The following TMC1 variants were observed in gnomAD, a reference collection of about 807,000 sequenced individuals.
TMC1 encodes transmembrane channel-like protein 1.
In TMC1, 84 loss-of-function variants were observed where a neutral mutation model predicts 105.8. The observed-to-expected ratio is 0.79, with a 90% CI of 0.67 to 0.95. The LOEUF is 0.95. TMC1 is among the 40% of genes least tolerant of loss of function. The probability of loss-of-function intolerance (pLI) is 0.00; values close to 1 mark genes in which losing one functional copy is unlikely to be tolerated. For synonymous variants in TMC1, 315 were observed against 311.5 expected (o/e 1.01, Z -0.12); for missense variants, 817 against 914.1 (o/e 0.89, Z 1.37).
intron 8 of TMC1, among the ~76,000 whole-genome samples, chr9:72,721,270 C>T (rs1827020019): frequency 6.6e-6 from 1 of 152,140 alleles, no homozygotes; most frequent in Non-Finnish European, 1.5e-5. Flanking sequence ...TGTAAATTCT[C>T]CTTTACAACC....
At chr9:72,529,103 T>A (rs1288553869) in intron 1 of TMC1, among the ~76,000 whole-genome samples, 1 of 152,014 alleles carries the variant, frequency 6.6e-6, no homozygotes, top group Non-Finnish European at 1.5e-5. Flanking sequence ...ACACCATTTT[T>A]TTTTTTTTAA....
chr9:72,751,760 G>T, intron 10 of TMC1, 90 bp from the exon 11 acceptor site: 1 of 812,518 alleles, frequency 1.2e-6, no homozygotes, highest in Admixed American at 1.8e-5. Flanking sequence ...ACAATTAATG[G>T]ATTCATTTTG....
intron 18 of TMC1, among the ~76,000 whole-genome samples, chr9:72,806,712 C>T (rs1376984070): frequency 1.3e-5 from 2 of 150,788 alleles, no homozygotes; most frequent in East Asian, 2.0e-4. Context: ...TGATGGTGGC[C>T]GGGAAGAGGT....
chr9:72,767,796 G>T (rs1216458965), intron 12 of TMC1, among the ~76,000 whole-genome samples: 1 of 152,192 alleles, frequency 6.6e-6, no homozygotes, highest in Non-Finnish European at 1.5e-5. Context: ...CATGGGGAAA[G>T]CAGCACGTGC....
At chr9:72,764,023 A>T (rs1827794261) in intron 12 of TMC1, among the ~76,000 whole-genome samples, 1 of 152,168 alleles carries the variant, frequency 6.6e-6, no homozygotes, top group Admixed American at 6.5e-5. Context: ...AGATTAAAGG[A>T]TGAGCCATTG....
At chr9:72,718,349 T>G (rs1021705181) in intron 8 of TMC1, among the ~76,000 whole-genome samples, 1 of 152,218 alleles carries the variant, frequency 6.6e-6, no homozygotes, top group Admixed American at 6.5e-5. Flanking sequence ...AGAGGAAAGA[T>G]CTGAAGCTCA....
intron 2 of TMC1, among the ~76,000 whole-genome samples, chr9:72,614,836 T>C (rs1825099091): frequency 6.6e-6 from 1 of 152,068 alleles, no homozygotes; most frequent in Non-Finnish European, 1.5e-5. Flanking sequence ...CCTGCCACCA[T>C]ACCTGGCTAA....
chr9:72,660,236 T>G (rs989684397), intron 5 of TMC1, among the ~76,000 whole-genome samples: 8 of 152,174 alleles, frequency 5.3e-5, no homozygotes, highest in Admixed American at 1.3e-4. Flanking sequence ...TTTCACTTCA[T>G]GGACAATATT....
chr9:72,716,609 C>T (rs1006053086), intron 8 of TMC1, among the ~76,000 whole-genome samples: 2 of 152,282 alleles, frequency 1.3e-5, no homozygotes, highest in South Asian at 2.1e-4. Flanking sequence ...AGACGTCCCT[C>T]CCCCCACCAA....
chr9:72,817,499 G>A (rs1205164874), intron 19 of TMC1, among the ~76,000 whole-genome samples: 5 of 152,134 alleles, frequency 3.3e-5, no homozygotes, highest in Non-Finnish European at 5.9e-5. Context: ...TCAATTTGCT[G>A]TTATGGCAGA....
chr9:72,604,218 C>T (rs560366086), intron 2 of TMC1, among the ~76,000 whole-genome samples: 1 of 152,146 alleles, frequency 6.6e-6, no homozygotes, highest in East Asian at 1.9e-4. Context: ...ACTTTAATGC[C>T]AATTTATCAC....
intron 12 of TMC1, among the ~76,000 whole-genome samples, chr9:72,762,959 A>T (rs73647820): frequency 2.2e-3 from 328 of 151,896 alleles, no homozygotes; most frequent in African/African-American, 7.7e-3. Flanking sequence ...TTAATTTGCT[A>T]CTCCTGAGTG....
At chr9:72,715,400 A>G (rs994565660) in intron 8 of TMC1, among the ~76,000 whole-genome samples, 7 of 152,162 alleles carry the variant, frequency 4.6e-5, no homozygotes, top group Non-Finnish European at 8.8e-5. Flanking sequence ...AGGTACACCA[A>G]TCAAACATAG....
intron 4 of TMC1, among the ~76,000 whole-genome samples, chr9:72,645,583 G>A (rs1234263343): frequency 2.6e-5 from 4 of 152,156 alleles, no homozygotes; most frequent in African/African-American, 9.7e-5. Flanking sequence ...TCTCATTATG[G>A]GAGTGTTTTG....
At chr9:72,549,709 C>T (rs1457504194) in intron 1 of TMC1, among the ~76,000 whole-genome samples, 3 of 151,120 alleles carry the variant, frequency 2.0e-5, no homozygotes, top group Non-Finnish European at 4.4e-5. Flanking sequence ...CTCCTGGGTT[C>T]AAGTGATTCT....
intron 18 of TMC1, among the ~76,000 whole-genome samples, chr9:72,812,474 C>T (rs1038404965): frequency 6.6e-6 from 1 of 152,158 alleles, no homozygotes; most frequent in Non-Finnish European, 1.5e-5. Context: ...AGTACAAAGC[C>T]TCAAGTGCTC....
intron 2 of TMC1, among the ~76,000 whole-genome samples, chr9:72,605,701 A>G (rs7862992): frequency 0.3 from 45,693 of 150,710 alleles, 7,465 homozygotes; most frequent in African/African-American, 0.41. Context: ...TCAGCCTCCC[A>G]AGTAGCTGGG....
Position 72,744,966 on chromosome 9 carries a change from CTCTCTTCT to C in TMC1, c.535+2453_535+2460del, listed in dbSNP as rs1827465215. On this transcript the variant is annotated intron_variant, in intron 10 of 23. Coordinates refer to ENST00000297784, the MANE Select transcript of TMC1 (RefSeq NM_138691.3). ...TCCAATAATAACCTTCAGTTATCTC[CTCTCTTCT>C]TCTCTTCTTCTAGTAAATTTGGAAA... Among the ~76,000 whole-genome samples the C allele has an allele frequency of 2.6e-5, 4 of 152,174 alleles. No individual in the cohort carries two copies. The South Asian group carries it at 6.2e-4, about 24-fold the overall frequency.
chr9:72,588,868 T>C lies in TMC1; in HGVS notation c.-306+10845T>C, dbSNP rs566421254. ...TCGGCTCACCACGACCTCTGCCTCC[T>C]GGGTTCAAGTGATTCTCCTGCCTCA... On this transcript the variant is annotated intron_variant, in intron 2 of 23. Coordinates refer to ENST00000297784, the MANE Select transcript of TMC1 (RefSeq NM_138691.3). Among the ~76,000 whole-genome samples, 10 of 151,554 alleles carry C rather than the reference T, an allele frequency of 6.6e-5. No homozygotes were observed. The South Asian group carries it at 2.1e-3, about 32-fold the overall frequency.
Sources: gnomAD v4.1 joint callset for allele counts (sites outside exome capture counted in the v4.1 genomes callset) on GRCh38, gnomAD v4.1.1 for gene constraint, MANE v1.5 for transcripts, NCBI Gene and HGNC (gene_info 2026-07-23, HGNC 2026-07-21) for gene names.